The following CAND2 variants were observed in gnomAD, a reference collection of about 807,000 sequenced individuals.
The protein encoded by CAND2 is cullin-associated NEDD8-dissociated protein 2.
Under a neutral mutation model 98.9 loss-of-function variants are expected in CAND2, and 62 were observed. The observed-to-expected ratio is 0.63, with a 90% CI of 0.51 to 0.77. CAND2 has a LOEUF of 0.77. Among genes scored for constraint, CAND2 ranks in the 30% least tolerant of loss-of-function variants. CAND2 has a pLI of 0.00. For synonymous variants in CAND2, 770 were observed against 731.9 expected, an observed-to-expected ratio of 1.05 and a Z score of -0.84; for missense variants, 1,501 against 1,655.2, an observed-to-expected ratio of 0.91 and a Z score of 1.62.
At chr3:12,814,425 G>A (rs188107831) in intron 7 of CAND2, among the ~76,000 whole-genome samples, 4 of 152,260 alleles carry the variant, frequency 2.6e-5, no homozygotes, top group East Asian at 3.9e-4. Flanking sequence ...TAGTCTTATC[G>A]TCTGTAAAAT....
chr3:12,812,021 G>C (rs986079658), intron 5 of CAND2, among the ~76,000 whole-genome samples: 5 of 146,940 alleles, frequency 3.4e-5, no homozygotes, highest in African/African-American at 1.0e-4. Flanking sequence ...AAGCAATTCT[G>C]CCTCAGCCTC....
At chr3:12,816,321 G>A in intron 9 of CAND2, 53 bp from the exon 10 acceptor site, 1 of 1,525,312 alleles carries the variant, frequency 6.6e-7, no homozygotes, top group African/African-American at 1.4e-5. Flanking sequence ...TTCCAGGGAG[G>A]GCCGTGTTGC....
At chr3:12,803,147 A>G (rs1203595240) in intron 1 of CAND2, among the ~76,000 whole-genome samples, 3 of 151,718 alleles carry the variant, frequency 2.0e-5, no homozygotes, top group Admixed American at 6.6e-5. Flanking sequence ...CCGCCACCAC[A>G]CCTGGCTAAT....
chr3:12,819,232 A>G (rs763471692), intron 10 of CAND2, among the ~76,000 whole-genome samples: 1 of 152,234 alleles, frequency 6.6e-6, no homozygotes, highest in Non-Finnish European at 1.5e-5. Flanking sequence ...GGAAAGAGGT[A>G]AAAGCTGAAA....
chr3:12,803,445 G>A (rs772669546), intron 1 of CAND2, 43 bp from the exon 2 acceptor site: 1 of 1,541,054 alleles, frequency 6.5e-7, no homozygotes, highest in Admixed American at 2.0e-5. Context: ...ATCCACCAGG[G>A]CCCAGGAGCT....
intron 1 of CAND2, among the ~76,000 whole-genome samples, chr3:12,797,136 C>T (rs942008819): frequency 1.7e-4 from 26 of 150,386 alleles, no homozygotes; most frequent in Admixed American, 5.9e-4. Context: ...TGTCCGGCCC[C>T]CTTCTTCCCC....
At position 12,810,378 on chromosome 3, in the gene CAND2, GA is replaced by G. The variant is rs1559550339; in HGVS notation, c.757+55del. 2.2e-6 allele frequency: 3 copies of G among 1,371,010 alleles called. No homozygotes were observed. In the East Asian group the frequency reaches 8.9e-5, roughly 40 times the overall value. 84.9% of individuals were successfully genotyped at this position (1,371,010 alleles called of 1,614,324 possible). ...TGGCATGGTGGGCGGAGCTTAGGGTGAGCCAATGACTCGGTAAAGGGGCGGA... is the reference window on the plus strand; with the variant it reads ...TGGCATGGTGGGCGGAGCTTAGGGTGGCCAATGACTCGGTAAAGGGGCGGA... On this transcript the variant is annotated intron_variant, in intron 5 of 14. Transcript: ENST00000456430.
At chr3:12,823,774 A>G (rs2061978308) in intron 11 of CAND2, among the ~76,000 whole-genome samples, 2 of 151,212 alleles carry the variant, frequency 1.3e-5, no homozygotes, top group Non-Finnish European at 2.9e-5. Context: ...GCACACGCCT[A>G]TAATCCCAGC....
In CAND2 at chr3:12,813,270, C is replaced by T. The variant is rs369821178; in HGVS notation, c.888C>T (p.His296=). Residue 296 remains histidine (H), a synonymous_variant, in exon 7 of 15, where the codon CAC becomes CAT. Coordinates refer to ENST00000456430, the MANE Select transcript of CAND2 (RefSeq NM_001162499.2). ...LRKCPKEMGP[H]VPNVTSLCLQ... ...GGTGCCCCAAGGAAATGGGTCCTCA[C>T]GTGCCCAACGTGACCAGCCTCTGCC... The T allele has an allele frequency of 1.3e-5, 21 of 1,613,480 alleles. No individual in the cohort carries two copies. Among genetic ancestry groups the T allele is most frequent in the Non-Finnish European group, 1.5e-5 (18 of 1,179,932 alleles).
intron 11 of CAND2, among the ~76,000 whole-genome samples, chr3:12,825,108 A>T (rs1488361971): frequency 2.0e-5 from 3 of 147,234 alleles, no homozygotes; most frequent in East Asian, 2.0e-4. Flanking sequence ...CATTCAAAAA[A>T]TTTTTTTCTT....
rs767124122 is a variant in CAND2, at chr3:12,825,568, C to T, written c.3139C>T (p.Arg1047Trp). 39 of 1,611,008 alleles carry T rather than the reference C, an allele frequency of 2.4e-5. No homozygotes were observed. The highest frequency in any genetic ancestry group is 6.7e-5 in the East Asian group (3 of 44,846). ...SAVHNKPSLV[R>W]DLLDDILPLL... ...TGTGCACAACAAGCCCTCGCTAGTC[C>T]GGGACCTGCTGGATGACATCCTGCC... Residue 1047 changes from arginine (R) to tryptophan (W), a missense_variant, in exon 12 of 15, where the codon CGG becomes TGG. By Grantham distance (101) the Arg-to-Trp change is moderately radical (BLOSUM62 -3). Coordinates refer to ENST00000456430, the MANE Select transcript of CAND2 (RefSeq NM_001162499.2).
intron 7 of CAND2, among the ~76,000 whole-genome samples, chr3:12,813,884 T>C (rs937163640): frequency 1.3e-5 from 2 of 152,210 alleles, no homozygotes; most frequent in African/African-American, 4.8e-5. Flanking sequence ...GATAGCTTCT[T>C]TCCTCCTATG....
At chr3:12,821,527 T>G (rs1397695704) in intron 11 of CAND2, among the ~76,000 whole-genome samples, 2 of 152,154 alleles carry the variant, frequency 1.3e-5, no homozygotes, top group East Asian at 3.8e-4. Flanking sequence ...TCTAGCAAGG[T>G]CATCGGCAGC....
At chr3:12,824,943 G>C (rs1378486876) in intron 11 of CAND2, among the ~76,000 whole-genome samples, 1 of 152,022 alleles carries the variant, frequency 6.6e-6, no homozygotes, top group Non-Finnish European at 1.5e-5. Flanking sequence ...TCATGGCACT[G>C]TACAAAAAGG....
At chr3:12,818,612 A>G (rs1309314663) in intron 10 of CAND2, among the ~76,000 whole-genome samples, 1 of 152,254 alleles carries the variant, frequency 6.6e-6, no homozygotes, top group Non-Finnish European at 1.5e-5. Context: ...TCCCAGAATG[A>G]AAGGCCAGTG....
chr3:12,817,473 G>A lies in CAND2; in HGVS notation c.2541G>A (p.Leu847=), dbSNP rs2061918048. 6.2e-7 allele frequency: 1 copy of A among 1,613,608 alleles called. No homozygotes were observed. The highest frequency in any genetic ancestry group is 8.5e-7 in the Non-Finnish European group (1 of 1,179,898). Residue 847 remains leucine (L), a synonymous_variant, in exon 10 of 15, where the codon CTG becomes CTA. Coordinates refer to ENST00000456430, the MANE Select transcript of CAND2 (RefSeq NM_001162499.2). ...TGVKVLAFLS[L]AEVGQVAGPG... ...TCAAGGTCCTGGCATTCTTGTCGCT[G>A]GCTGAGGTGGGTCAGGTGGCTGGGC...
intron 1 of CAND2, among the ~76,000 whole-genome samples, chr3:12,801,538 T>C (rs2061767160): frequency 6.6e-6 from 1 of 152,188 alleles, no homozygotes; most frequent in Non-Finnish European, 1.5e-5. Flanking sequence ...AGCCTCAACT[T>C]TCCGTGGCTT....
chr3:12,812,205 G>C (rs1337569596), intron 5 of CAND2, among the ~76,000 whole-genome samples: 3 of 113,756 alleles, frequency 2.6e-5, no homozygotes, highest in East Asian at 5.1e-4. Context: ...CACCATGCCC[G>C]GCCTAAGCTG....
At position 12,817,330 on chromosome 3, in the gene CAND2, G is replaced by C; in HGVS notation, c.2398G>C (p.Val800Leu). 1.9e-6 allele frequency: 3 copies of C among 1,613,970 alleles called. No individual in the cohort carries two copies. Among genetic ancestry groups the C allele is most frequent in the Non-Finnish European group, 2.5e-6 (3 of 1,180,030 alleles). The change falls in exon 10 of 15, where the codon GTG (valine) becomes CTG (leucine). Residue 800 changes from valine (V) to leucine (L), a missense_variant. By Grantham distance (32) the Val-to-Leu change is conservative. Transcript: ENST00000456430. ...VDGGPGLHKQ[V>L]FHSLARCVAA... is the part of the protein sequence containing the mutation. ...TGGTGGGCCTGGCCTGCACAAGCAG[G>C]TGTTCCACTCATTGGCCCGGTGTGT...
Sources: allele counts gnomAD v4.1 joint callset (sites outside exome capture counted in the v4.1 genomes callset), GRCh38; gene constraint gnomAD v4.1.1; transcripts MANE v1.5; gene names NCBI Gene and HGNC (gene_info 2026-07-23, HGNC 2026-07-21).